Variants in C1orf141 observed in about 807,000 individuals in gnomAD.
C1orf141 encodes the protein chromosome 1 open reading frame 141.
A neutral mutation model predicts 23.2 loss-of-function variants in C1orf141; 19 were observed. The ratio of observed to expected loss-of-function variants is 0.82; its 90% confidence interval spans 0.57 to 1.20. The LOEUF (loss-of-function observed/expected upper bound fraction) is 1.20, where lower values mean the gene tolerates loss of function less well. C1orf141 is among the 50% of genes most tolerant of loss of function. The pLI is 0.00. For missense variants in C1orf141, 469 were observed against 455.1 expected, an observed-to-expected ratio of 1.03 and a Z score of -0.28; for synonymous variants, 153 against 154.6, an observed-to-expected ratio of 0.99 and a Z score of 0.08.
At chr1:67,099,963 T>C (rs376337606) in intron 5 of C1orf141, among the ~76,000 whole-genome samples, 4 of 152,236 alleles carry the variant, frequency 2.6e-5, no homozygotes, top group East Asian at 1.9e-4. Flanking sequence ...TTTAATCTAT[T>C]GTATTTTTGG....
intron 5 of C1orf141, chr1:67,111,442 G>A (rs1202095275): frequency 1.1e-5 from 5 of 443,832 alleles, no homozygotes; most frequent in Non-Finnish European, 2.0e-5. Context: ...TATCAGAGAT[G>A]AAATCACTTT....
intron 1 of C1orf141, 21 bp downstream of exon 1, chr1:67,134,909 C>T (rs1364122914): frequency 6.6e-6 from 1 of 152,422 alleles, no homozygotes; most frequent in African/African-American, 2.4e-5. Flanking sequence ...TCTTCCAACC[C>T]TTCCGCACCC....
At chr1:67,139,654 A>G (rs760095096), upstream of C1orf141, among the ~76,000 whole-genome samples, 2 of 152,108 alleles carry the variant, frequency 1.3e-5, no homozygotes, top group Non-Finnish European at 2.9e-5. Flanking sequence ...TCCCCTCCGA[A>G]AGTCATGTTG....
intron 2 of C1orf141, among the ~76,000 whole-genome samples, chr1:67,128,970 T>C (rs571357882): frequency 3.0e-4 from 46 of 152,200 alleles, no homozygotes; most frequent in Non-Finnish European, 5.9e-5. Context: ...CAGGATCCGA[T>C]GCCAAAAGTT....
chr1:67,116,477 C>G (rs1486945927), intron 4 of C1orf141, among the ~76,000 whole-genome samples: 1 of 151,976 alleles, frequency 6.6e-6, no homozygotes, highest in East Asian at 1.9e-4. Flanking sequence ...TGCTATTACA[C>G]TTGTCCTCAA....
At chr1:67,124,811 C>A (rs923110185) in intron 4 of C1orf141, among the ~76,000 whole-genome samples, 1 of 152,194 alleles carries the variant, frequency 6.6e-6, no homozygotes, top group Admixed American at 6.5e-5. Context: ...TGACTGTGAG[C>A]TTTTGGGCTT....
intron 5 of C1orf141, among the ~76,000 whole-genome samples, chr1:67,107,458 TA>T (rs1439593961): frequency 6.6e-6 from 1 of 152,162 alleles, no homozygotes; most frequent in Admixed American, 6.6e-5. Context: ...ATAGATTTTT[TA>T]AAAAGCAAGA....
chr1:67,125,945 AAAG>A, intron 3 of C1orf141, 36 bp from the exon 4 acceptor site: 2 of 1,508,674 alleles, frequency 1.3e-6, no homozygotes, highest in South Asian at 1.2e-5. Context: ...AAAAAAAAAA[AAAG>A]AGTACTTTTT....
At chr1:67,134,235 C>T (rs1175935475) in intron 1 of C1orf141, among the ~76,000 whole-genome samples, 3 of 152,220 alleles carry the variant, frequency 2.0e-5, no homozygotes, top group Non-Finnish European at 4.4e-5. Flanking sequence ...AACTCCTGAC[C>T]TCAAGTGATC....
rs774103406 is a variant in C1orf141 at position 67,125,733 on chromosome 1, A to G, written c.233+19T>C. 1 of 1,608,210 alleles carries G rather than the reference A, an allele frequency of 6.2e-7. No individual in the cohort carries two copies. Among genetic ancestry groups the G allele is most frequent in the Non-Finnish European group, 8.5e-7 (1 of 1,174,766 alleles). Reference sequence around the variant, plus strand: ...AAACAAATTCTGAACTGAAAATTTAAGGTGGTTATGATAGTTACATTTTTG... The same window carrying G: ...AAACAAATTCTGAACTGAAAATTTAGGGTGGTTATGATAGTTACATTTTTG... On this transcript the variant is annotated intron_variant, in intron 4 of 7. Transcript: ENST00000684719.
At chr1:67,110,054 T>C (rs1360573725) in intron 5 of C1orf141, among the ~76,000 whole-genome samples, 1 of 152,120 alleles carries the variant, frequency 6.6e-6, no homozygotes, top group Non-Finnish European at 1.5e-5. Context: ...TATTTATAAA[T>C]AATAATATAA....
chr1:67,109,244 C>G (rs1243008172), intron 5 of C1orf141, among the ~76,000 whole-genome samples: 1 of 144,288 alleles, frequency 6.9e-6, no homozygotes, highest in East Asian at 2.1e-4. Flanking sequence ...GGAGAATGGC[C>G]TGAACGCAGG....
At position 67,113,754 on chromosome 1, in the gene C1orf141, T is replaced by C. The variant is rs757709842; in HGVS notation, c.346+1598A>G. ...TCAGGATCAGCCTACTTTTAAAAGA[T>C]CACTATATGATTTAAGGAAAGAAAA... On this transcript the variant is annotated intron_variant, in intron 5 of 7. Coordinates refer to ENST00000684719, the MANE Select transcript of C1orf141 (RefSeq NM_001276351.2). The C allele has an allele frequency of 1.5e-5, 19 of 1,236,264 alleles. No individual in the cohort carries two copies. The South Asian group carries it at 2.4e-4, about 16-fold the overall frequency. The allele number at this position is 1,236,264 out of a possible 1,614,324, so 76.6% of individuals were successfully genotyped here. A position where few individuals can be genotyped will look rare whatever the true frequency, so the allele number is the denominator to read the frequency against.
chr1:67,103,932 T>A (rs1387710886), intron 5 of C1orf141, among the ~76,000 whole-genome samples: 1 of 152,130 alleles, frequency 6.6e-6, no homozygotes, highest in Admixed American at 6.6e-5. Context: ...CACATGTTAA[T>A]ATAAACTGAA....
chr1:67,116,335 T>C (rs533535836), intron 4 of C1orf141, among the ~76,000 whole-genome samples: 2 of 152,136 alleles, frequency 1.3e-5, no homozygotes, highest in Non-Finnish European at 2.9e-5. Context: ...CAGCAAATAC[T>C]GTGTCTTTCT....
chr1:67,103,089 G>C (rs1645841156), intron 5 of C1orf141: 1 of 465,146 alleles, frequency 2.1e-6, no homozygotes, highest in African/African-American at 1.9e-5. Context: ...ATAGGTTTAA[G>C]AGTAAGAAAA....
At chr1:67,118,425 T>TCA (rs1202813918) in intron 4 of C1orf141, among the ~76,000 whole-genome samples, 2 of 152,130 alleles carry the variant, frequency 1.3e-5, no homozygotes, top group Non-Finnish European at 2.9e-5. Context: ...TCCCAAAGAA[T>TCA]CACTCATAGA....
chr1:67,102,307 C>CGTGTGTGTGTGTGT (rs57508145), intron 5 of C1orf141, among the ~76,000 whole-genome samples: 2 of 139,594 alleles, frequency 1.4e-5, no homozygotes, highest in African/African-American at 5.4e-5. Context: ...TCTTCTGCTC[C>CGTGTGTGTGTGTGT]GTGTGTGTGT....
Position 67,117,061 on chromosome 1 carries a change from G to T in C1orf141, c.234-1597C>A, listed in dbSNP as rs573754791. On this transcript the variant is annotated intron_variant, in intron 4 of 7. Transcript: ENST00000684719. ...AACTCTGAGGGCACACTATTTATGT[G>T]TTTTATTCACTGTGGTATTTTAGCA... is the stretch of plus-strand genomic sequence containing the variant. Among the ~76,000 whole-genome samples, 4 of 152,202 alleles carry T rather than the reference G, an allele frequency of 2.6e-5. 1 individual carries two copies. The East Asian group carries it at 7.7e-4, about 29-fold the overall frequency.
Sources: allele counts gnomAD v4.1 joint callset (sites outside exome capture counted in the v4.1 genomes callset), GRCh38; gene constraint gnomAD v4.1.1; transcripts MANE v1.5; gene names NCBI Gene and HGNC (gene_info 2026-07-23, HGNC 2026-07-21).